The following CACNG2 variants were observed in gnomAD, a reference collection of about 807,000 sequenced individuals.
CACNG2 encodes the protein voltage-dependent calcium channel gamma-2 subunit.
A neutral mutation model predicts 25.9 loss-of-function variants in CACNG2; 3 were observed. That is an observed-to-expected ratio of 0.12 (90% confidence interval 0.05 to 0.30). The LOEUF (loss-of-function observed/expected upper bound fraction) is 0.30, where lower values mean the gene tolerates loss of function less well. Among genes scored for constraint, CACNG2 ranks in the 10% least tolerant of loss-of-function variants. The probability of loss-of-function intolerance (pLI) is 1.00; values close to 1 mark genes in which losing one functional copy is unlikely to be tolerated. For missense variants in CACNG2, 341 were observed against 432.5 expected, an observed-to-expected ratio of 0.79 and a Z score of 1.88; for synonymous variants, 167 against 173.3, an observed-to-expected ratio of 0.96 and a Z score of 0.29.
chr22:36,647,689 GT>G (rs1829093247), intron 1 of CACNG2, among the ~76,000 whole-genome samples: 1 of 152,112 alleles, frequency 6.6e-6, no homozygotes, highest in Non-Finnish European at 1.5e-5. Flanking sequence ...TCAATTTGCT[GT>G]CCCACCTCAG....
chr22:36,649,886 CTG>C (rs1338833912), intron 1 of CACNG2, among the ~76,000 whole-genome samples: 1 of 152,382 alleles, frequency 6.6e-6, no homozygotes, highest in East Asian at 1.9e-4. Flanking sequence ...CCATGTGGAA[CTG>C]TGAGTCCATT....
intron 2 of CACNG2, among the ~76,000 whole-genome samples, chr22:36,568,449 G>A (rs1013145467): frequency 3.9e-5 from 6 of 152,004 alleles, no homozygotes; most frequent in African/African-American, 1.5e-4. Flanking sequence ...CTGTTGCCCA[G>A]GCTGGAGTGT....
chr22:36,677,573 C>T (rs1322301880), intron 1 of CACNG2, among the ~76,000 whole-genome samples: 2 of 152,160 alleles, frequency 1.3e-5, no homozygotes, highest in Non-Finnish European at 1.5e-5. Flanking sequence ...GCAGATTTAA[C>T]CCATTGTGGC....
At chr22:36,618,277 C>G (rs1447007965) in intron 1 of CACNG2, among the ~76,000 whole-genome samples, 1 of 152,218 alleles carries the variant, frequency 6.6e-6, no homozygotes, top group Non-Finnish European at 1.5e-5. Context: ...GGAAAGCAGC[C>G]AAGTGTGCCT....
intron 2 of CACNG2, among the ~76,000 whole-genome samples, chr22:36,587,038 G>T (rs1935517327): frequency 6.6e-6 from 1 of 151,392 alleles, no homozygotes; most frequent in Non-Finnish European, 1.5e-5. Flanking sequence ...AATATTCACT[G>T]AGTGCTTATC....
intron 1 of CACNG2, among the ~76,000 whole-genome samples, chr22:36,695,972 A>G (rs1440930895): frequency 2.0e-5 from 3 of 152,238 alleles, no homozygotes; most frequent in Admixed American, 2.0e-4. Flanking sequence ...GGAAACGTAC[A>G]ATGCCTATTG....
intron 1 of CACNG2, among the ~76,000 whole-genome samples, chr22:36,662,199 C>G (rs926647729): frequency 6.6e-6 from 1 of 151,852 alleles, no homozygotes; most frequent in African/African-American, 2.4e-5. Flanking sequence ...CCAGGCTGGT[C>G]TCGAACTCCT....
intron 1 of CACNG2, among the ~76,000 whole-genome samples, chr22:36,660,843 T>G (rs953801551): frequency 1.3e-5 from 2 of 152,248 alleles, no homozygotes; most frequent in East Asian, 1.9e-4. Context: ...TTTTAAATCA[T>G]GGCTTCTTTA....
intron 1 of CACNG2, among the ~76,000 whole-genome samples, chr22:36,682,494 C>A (rs41310252): frequency 8.4e-6 from 1 of 119,742 alleles, no homozygotes; most frequent in Non-Finnish European, 1.7e-5. Flanking sequence ...CCCCTCCCCC[C>A]ACCCCACTCC....
intron 2 of CACNG2, among the ~76,000 whole-genome samples, chr22:36,569,943 T>C (rs935434566): frequency 3.3e-5 from 5 of 152,124 alleles, no homozygotes; most frequent in Admixed American, 6.5e-5. Flanking sequence ...AAGAGGTCGG[T>C]GTGGCTTCCG....
chr22:36,610,278 G>T (rs1223511595), intron 1 of CACNG2, among the ~76,000 whole-genome samples: 4 of 149,166 alleles, frequency 2.7e-5, no homozygotes. Flanking sequence ...CTTAGAGCGT[G>T]ATTGGGCAGG....
chr22:36,665,350 C>T lies in CACNG2; in HGVS notation c.211+37016G>A, dbSNP rs9607366. 6.9e-3 allele frequency among the ~76,000 whole-genome samples: 1,046 copies of T among 152,066 alleles called. 11 individuals are homozygous for T. Among genetic ancestry groups the T allele is most frequent in the African/African-American group, 0.023 (964 of 41,454 alleles). ...ACGTCCCTTTCCTCATCTCCAAGTG[C>T]GGATTGAAGTAGTGCCAGACTCATA... On this transcript the variant is annotated intron_variant, in intron 1 of 3. Coordinates refer to ENST00000300105, the MANE Select transcript of CACNG2 (RefSeq NM_006078.5).
At chr22:36,641,179 A>C (rs1049994734) in intron 1 of CACNG2, among the ~76,000 whole-genome samples, 6 of 152,060 alleles carry the variant, frequency 3.9e-5, no homozygotes, top group Non-Finnish European at 5.9e-5. Flanking sequence ...TTTTCTGCAG[A>C]GCACTTGTCA....
At chr22:36,592,738 C>T (rs371791353) in intron 1 of CACNG2, among the ~76,000 whole-genome samples, 1 of 152,274 alleles carries the variant, frequency 6.6e-6, no homozygotes, top group African/African-American at 2.4e-5. Context: ...GGAAACCACA[C>T]CAGATGCTCC....
At chr22:36,609,670 T>G (rs1603501564) in intron 1 of CACNG2, among the ~76,000 whole-genome samples, 3 of 98,316 alleles carry the variant, frequency 3.1e-5, no homozygotes, top group Admixed American at 1.3e-4. Flanking sequence ...CCCCAGAGCG[T>G]GATCGGGCAG....
At chr22:36,618,916 TCAAAAAACAAAAAA>T (rs10586086) in intron 1 of CACNG2, among the ~76,000 whole-genome samples, 3 of 150,532 alleles carry the variant, frequency 2.0e-5, no homozygotes, top group East Asian at 2.0e-4. Flanking sequence ...CGAGACTGTT[TCAAAAAACAAAAAA>T]CAAAAAACAA....
chr22:36,698,544 A>T (rs557102000), intron 1 of CACNG2, among the ~76,000 whole-genome samples: 1 of 152,142 alleles, frequency 6.6e-6, no homozygotes, highest in Admixed American at 6.5e-5. Context: ...CTCGCAGGCC[A>T]TCATGACTTG....
Position 36,563,627 on chromosome 22 carries a change from C to A in CACNG2, c.*724G>T, listed in dbSNP as rs1363640996. On this transcript the variant is annotated 3_prime_UTR_variant, in exon 4 of 4. Transcript: ENST00000300105. ...GAGAGGAGGGACAAGGGCTCGGTCA[C>A]CTGGAGGCCTACGATTGCCCCATCA... 6.6e-6 allele frequency among the ~76,000 whole-genome samples: 1 copy of A among 152,060 alleles called. No homozygotes were observed. Among genetic ancestry groups the A allele is most frequent in the East Asian group, 1.9e-4 (1 of 5,188 alleles).
intron 1 of CACNG2, among the ~76,000 whole-genome samples, chr22:36,619,839 C>T (rs961917653): frequency 3.3e-5 from 5 of 152,140 alleles, no homozygotes; most frequent in African/African-American, 9.7e-5. Context: ...ATCTGAGGGT[C>T]GATTGTTGTC....
Sources: allele counts gnomAD v4.1 joint callset (sites outside exome capture counted in the v4.1 genomes callset), GRCh38; gene constraint gnomAD v4.1.1; transcripts MANE v1.5; gene names NCBI Gene and HGNC (gene_info 2026-07-23, HGNC 2026-07-21).